Variants in TTN observed in about 807,000 individuals in gnomAD.
TTN encodes the protein titin, also known as connectin.
Under a neutral mutation model 3,223.0 loss-of-function variants are expected in TTN, and 1,525 were observed. The observed-to-expected ratio is 0.47, with a 90% CI of 0.45 to 0.49. The LOEUF is 0.49. Ranked by LOEUF, TTN falls within the 20% of genes least tolerant of loss-of-function variation. TTN has a pLI of 0.00. For missense variants in TTN, 40,786 were observed against 43,424.0 expected, an observed-to-expected ratio of 0.94 and a Z score of 5.40; for synonymous variants, 14,094 against 15,161.0, an observed-to-expected ratio of 0.93 and a Z score of 5.17.
intron 159 of TTN, 131 bp downstream of exon 159, chr2:178,669,242 T>A: frequency 1.5e-6 from 1 of 677,614 alleles, no homozygotes; most frequent in Non-Finnish European, 2.4e-6. Context: ...ATTATTTGAG[T>A]CATATATTTG....
rs2093699992 is a variant in TTN, at chr2:178,795,172, G to A, written c.995C>T (p.Ala332Val). ...RSPLLMRKTQ[A>V]STVATGPEVP... ...TTCAGGACCTGTGGCCACGGTGGAT[G>A]CCTGAGTCTTACGCATGAGCAATGG... is the stretch of plus-strand genomic sequence containing the variant. The change falls in exon 7 of 363, where the codon GCA becomes GTA. Residue 332 changes from alanine (A) to valine (V), a missense_variant. Physicochemically the swap from Ala to Val is moderately conservative, Grantham distance 64. Transcript: ENST00000589042. 2.5e-6 allele frequency: 4 copies of A among 1,613,944 alleles called. No individual in the cohort carries two copies. Among genetic ancestry groups the A allele is most frequent in the South Asian group, 2.2e-5 (2 of 91,084 alleles).
chr2:178,614,834 C>A lies in TTN; in HGVS notation c.48760+13G>T, dbSNP rs772900990. ...GAGGCCTATTTGATAAGACAAAAATCAAAAATAGATACCTTGTGTGTCCAC... is the reference window on the plus strand; with the variant it reads ...GAGGCCTATTTGATAAGACAAAAATAAAAAATAGATACCTTGTGTGTCCAC... On this transcript the variant is annotated intron_variant, in intron 260 of 362. Transcript: ENST00000589042. 6 of 1,574,924 alleles carry A rather than the reference C, an allele frequency of 3.8e-6. No individual in the cohort carries two copies. Among genetic ancestry groups the A allele is most frequent in the Admixed American group, 1.9e-5 (1 of 53,438 alleles).
chr2:178,749,998 C>G, intron 47 of TTN: 1 of 1,613,188 alleles, frequency 6.2e-7, no homozygotes, highest in Non-Finnish European at 8.5e-7. Context: ...GATCTTGAGG[C>G]ATTGCTTTAG....
rs2062779576 is a variant in TTN at position 178,650,672 on chromosome 2, T to A, written c.39709+79A>T. 21 of 1,289,304 alleles carry A rather than the reference T, an allele frequency of 1.6e-5. No homozygotes were observed. The South Asian group carries it at 2.8e-4, about 17-fold the overall frequency. 79.9% of individuals were successfully genotyped at this position (1,289,304 alleles called of 1,614,324 possible). The stretch of plus-strand genomic sequence containing the variant: ...TAGAAAATGACCAAGAAATAATGAG[T>A]TAGGAAGGAAGAAGAACAAAGCTTA... On this transcript the variant is annotated intron_variant, in intron 209 of 362. Transcript: ENST00000589042.
rs1451572769 is a variant in TTN, at chr2:178,589,507, C to T, written c.62218G>A (p.Glu20740Lys). 22 of 1,613,294 alleles carry T rather than the reference C, an allele frequency of 1.4e-5. No individual in the cohort carries two copies. Among genetic ancestry groups the T allele is most frequent in the Non-Finnish European group, 1.7e-5 (20 of 1,179,650 alleles). The change falls in exon 304 of 363, where the codon GAG (glutamate) becomes AAG (lysine). Residue 20740 changes from glutamate to lysine, a missense_variant. Coordinates refer to ENST00000589042, the MANE Select transcript of TTN (RefSeq NM_001267550.2). ...TCATTCTTTGTTTGCACTCTGAACT[C>T]ATAAATCTGGTTTTCAACACATCTG... ...VDRCVENQIY[E>K]FRVQTKNEGG...
rs763931240 is a variant in TTN, at chr2:178,731,452, C to T, written c.17314G>A (p.Glu5772Lys). The T allele has an allele frequency of 1.2e-6, 2 of 1,613,616 alleles. No homozygotes were observed. Among genetic ancestry groups the T allele is most frequent in the Admixed American group, 3.3e-5 (2 of 59,964 alleles). Residue 5772 changes from glutamate to lysine, a missense_variant, in exon 59 of 363, where the codon GAA (glutamate) becomes AAA (lysine). Transcript: ENST00000589042. Reference sequence around the variant, plus strand: ...AAGGTCATTCTTATATTATCGTCTTCAGTGATTTCATCGCTGTCTTTTAGC... The same window carrying T: ...AAGGTCATTCTTATATTATCGTCTTTAGTGATTTCATCGCTGTCTTTTAGC... The part of the protein sequence containing the change: ...TWLKDSDEIT[E>K]DDNIRMTFEN...
In TTN at chr2:178,590,275, CACG is replaced by C. The variant is rs775343508; in HGVS notation, c.61447_61449del (p.Arg20483del). On this transcript the variant is annotated inframe_deletion, in exon 304 of 363. Coordinates refer to ENST00000589042, the MANE Select transcript of TTN (RefSeq NM_001267550.2). ...TGGCCTACTCTCACGGTAATAACAT[CACG>C]ACAAGTAACATCAAGTTCTACTTCT... is the stretch of plus-strand genomic sequence containing the variant. The C allele has an allele frequency of 1.3e-6, 2 of 1,573,744 alleles. No individual in the cohort carries two copies. The highest frequency in any genetic ancestry group is 1.7e-6 in the Non-Finnish European group (2 of 1,160,426).
Position 178,605,045 on chromosome 2 carries a change from T to C in TTN, c.54132A>G (p.Thr18044=), listed in dbSNP as rs764321069. The C allele has an allele frequency of 5.0e-6, 8 of 1,611,036 alleles. No individual in the cohort carries two copies. The highest frequency in any genetic ancestry group is 1.7e-5 in the Admixed American group (1 of 59,826). ...KAVREDKGTY[T]VTASNRLGSV... is the part of the protein sequence containing the mutation. ...AGCCAAGGCGATTGGAAGCAGTAAC[T>C]GTGTAAGTGCCTTTGTCCTCCCGGA... The change falls in exon 280 of 363, where the codon ACA becomes ACG. Residue 18044 remains threonine, a synonymous_variant. Coordinates refer to ENST00000589042, the MANE Select transcript of TTN (RefSeq NM_001267550.2).
chr2:178,585,061 A>T lies in TTN; in HGVS notation c.64672+11T>A, dbSNP rs752070307. ...ATATTTAGATGGCCATTTGTCTAAT[A>T]CTTAACTTACCCATGACTACAACTT... On this transcript the variant is annotated intron_variant, in intron 309 of 362. Coordinates refer to ENST00000589042, the MANE Select transcript of TTN (RefSeq NM_001267550.2). 1.2e-6 allele frequency: 2 copies of T among 1,605,714 alleles called. No individual in the cohort carries two copies. Among genetic ancestry groups the T allele is most frequent in the Admixed American group, 3.4e-5 (2 of 58,324 alleles).
chr2:178,584,222 T>C, intron 311 of TTN, 54 bp downstream of exon 311: 1 of 1,508,382 alleles, frequency 6.6e-7, no homozygotes. Context: ...GAGATTTAAA[T>C]GTGCCTCCAT....
Position 178,575,983 on chromosome 2 carries a change from G to C in TTN, c.70149C>G (p.Ile23383Met). The C allele has an allele frequency of 6.2e-7, 1 of 1,611,560 alleles. No individual in the cohort carries two copies. ...CAATGTTGGCTCGGTTTTTCAGGTT[G>C]ATGTTATCTTTGGTCCATGTCACTT... ...APEVTWTKDN[I>M]NLKNRANIEN... The change falls in exon 326 of 363, where the codon ATC becomes ATG. Residue 23383 changes from isoleucine to methionine, a missense_variant. By Grantham distance (10) the Ile-to-Met change is conservative. Coordinates refer to ENST00000589042, the MANE Select transcript of TTN (RefSeq NM_001267550.2). The surrounding 1 kb of genome is among the most constrained non-coding windows in gnomAD (Gnocchi z 4.0).
In TTN at chr2:178,561,694, A is replaced by T; in HGVS notation, c.84438T>A (p.Val28146=). 1 of 1,607,996 alleles carries T rather than the reference A, an allele frequency of 6.2e-7. No individual in the cohort carries two copies. Among genetic ancestry groups the T allele is most frequent in the Non-Finnish European group, 8.5e-7 (1 of 1,176,062 alleles). Residue 28146 remains valine (V), a synonymous_variant, in exon 326 of 363, where the codon GTT becomes GTA. Coordinates refer to ENST00000589042, the MANE Select transcript of TTN (RefSeq NM_001267550.2). ...GKSSYSESSA[V]VAEYPFSPPG... is the part of the protein sequence containing the mutation. ...GGGGACTGAATGGATACTCTGCAAC[A>T]ACAGCTGAAGATTCACTGTAGGAGC...
In TTN at chr2:178,572,137, C is replaced by A. The variant is rs369122344; in HGVS notation, c.73995G>T (p.Thr24665=). 1.2e-6 allele frequency: 2 copies of A among 1,613,202 alleles called. No individual in the cohort carries two copies. Among genetic ancestry groups the A allele is most frequent in the Non-Finnish European group, 1.7e-6 (2 of 1,179,584 alleles). ...CTTCAGTGACCTTGACTGTGGCACA[C>A]GTGGCCCATTTGTCACTGCCTTTGG... The part of the protein sequence containing the change: ...MQTKGSDKWA[T]CATVKVTEAT... Residue 24665 remains threonine (T), a synonymous_variant, in exon 326 of 363, where the codon ACG becomes ACT. Coordinates refer to ENST00000589042, the MANE Select transcript of TTN (RefSeq NM_001267550.2).
At position 178,689,860 on chromosome 2, in the gene TTN, T is replaced by C; in HGVS notation, c.31799A>G (p.Lys10600Arg). 1 of 1,613,358 alleles carries C rather than the reference T, an allele frequency of 6.2e-7. No individual in the cohort carries two copies. The highest frequency in any genetic ancestry group is 8.5e-7 in the Non-Finnish European group (1 of 1,179,570). The change falls in exon 122 of 363, where the codon AAG becomes AGG. Residue 10600 changes from lysine to arginine, a missense_variant. Physicochemically the swap from Lys to Arg is conservative, Grantham distance 26. Coordinates refer to ENST00000589042, the MANE Select transcript of TTN (RefSeq NM_001267550.2). ...EVPKKPVPEE[K>R]IPVPVAKKKE... ...TTTCTTTGCAACAGGAACGGGAATC[T>C]TTTCTTCAGGGACAGGTTTCTTTGG...
rs1277521842 is a variant in TTN at position 178,621,920 on chromosome 2, TTGA to T, written c.44999_45001del (p.Ile15000del). On this transcript the variant is annotated inframe_deletion, in exon 244 of 363. Transcript: ENST00000589042. ...AGCTTCATCATCCAGTAGACATTTG[TTGA>T]TGACAAGAATGCGCACTGCTCCCTT... The T allele has an allele frequency of 6.2e-7, 1 of 1,612,050 alleles. No individual in the cohort carries two copies. Among genetic ancestry groups the T allele is most frequent in the African/African-American group, 1.3e-5 (1 of 74,828 alleles).
Position 178,773,880 on chromosome 2 carries a change from G to T in TTN, c.7288C>A (p.Pro2430Thr), listed in dbSNP as rs761169279. ...CCACTGGTGGAGAGGCCAAGGGCTG[G>T]AATGGTGAAAGAGTAATTTCCAGCA... The part of the protein sequence containing the change: ...EDAGNYSFTI[P>T]ALGLSTSGRV... The change falls in exon 31 of 363, where the codon CCA becomes ACA. Residue 2430 changes from proline (P) to threonine (T), a missense_variant. By Grantham distance (38) the Pro-to-Thr change is conservative. Coordinates refer to ENST00000589042, the MANE Select transcript of TTN (RefSeq NM_001267550.2). 4 of 1,614,002 alleles carry T rather than the reference G, an allele frequency of 2.5e-6. No homozygotes were observed. The Admixed American group carries it at 6.7e-5, about 27-fold the overall frequency.
intron 43 of TTN, chr2:178,761,009 C>T (rs2154337932): frequency 6.6e-6 from 1 of 152,352 alleles, no homozygotes; most frequent in Non-Finnish European, 1.5e-5. Context: ...GAACTGCACA[C>T]AATAAGTGAG....
In TTN at chr2:178,725,604, G is replaced by A. The variant is rs368458114; in HGVS notation, c.20600C>T (p.Ala6867Val). ...TGCTTGTAATTCAGCAGGCTCTCCG[G>A]CTACAACAGTGAGGCTGTTCAGTTT... is the stretch of plus-strand genomic sequence containing the variant. Reference protein sequence around the residue: ...VSKLNSLTVVAGEPAELQASI... With the variant: ...VSKLNSLTVVVGEPAELQASI... Residue 6867 changes from alanine (A) to valine (V), a missense_variant, in exon 71 of 363, where the codon GCC (alanine) becomes GTC (valine). Ala to Val is a moderately conservative substitution (Grantham distance 64). Coordinates refer to ENST00000589042, the MANE Select transcript of TTN (RefSeq NM_001267550.2). 5 of 1,608,578 alleles carry A rather than the reference G, an allele frequency of 3.1e-6. No homozygotes were observed. Among genetic ancestry groups the A allele is most frequent in the East Asian group, 2.2e-5 (1 of 44,812 alleles).
Position 178,541,330 on chromosome 2 carries a change from C to T in TTN, c.97747G>A (p.Gly32583Arg). The T allele has an allele frequency of 6.4e-7, 1 of 1,565,708 alleles. No individual in the cohort carries two copies. The highest frequency in any genetic ancestry group is 8.7e-7 in the Non-Finnish European group (1 of 1,152,036). The change falls in exon 350 of 363, where the codon GGG (glycine) becomes AGG (arginine). Residue 32583 changes from glycine (G) to arginine (R), a missense_variant. By Grantham distance (125) the Gly-to-Arg change is moderately radical. Coordinates refer to ENST00000589042, the MANE Select transcript of TTN (RefSeq NM_001267550.2). ...GGTTTGGAAGGACGACTTGGTTTCC[C>T]AGACCCTCTTGCATTAATGGCTGTG... ...RVTAINARGSGKPSRPSKPIV... is the reference protein window; with the variant it reads ...RVTAINARGSRKPSRPSKPIV...
Sources: gnomAD v4.1 joint callset for allele counts on GRCh38, gnomAD v4.1.1 for gene constraint, Gnocchi (gnomAD v3.1) non-coding constraint, MANE v1.5 for transcripts, NCBI Gene and HGNC (gene_info 2026-07-23, HGNC 2026-07-21) for gene names.